IGFN1: variants seen among roughly 807,000 people sequenced by gnomAD.
The protein encoded by IGFN1 is immunoglobulin like and fibronectin type III domain containing 1.
Under a neutral mutation model 289.5 loss-of-function variants are expected in IGFN1, and 253 were observed. The ratio of observed to expected loss-of-function variants is 0.87; its 90% CI spans 0.79 to 0.97. IGFN1 has a LOEUF of 0.97. Ranked by LOEUF, IGFN1 falls within the 50% of genes least tolerant of loss-of-function variation. IGFN1 has a pLI of 0.00. For synonymous variants in IGFN1, 1,706 were observed against 1,788.5 expected (o/e 0.95, Z 1.16); for missense variants, 4,470 against 4,686.1 (o/e 0.95, Z 1.35).
At chr1:201,199,286 C>G in intron 5 of IGFN1, 48 bp from the exon 6 acceptor site, 1 of 1,511,238 alleles carries the variant, frequency 6.6e-7, no homozygotes, top group African/African-American at 1.4e-5. Context: ...TTGCTTCTCT[C>G]CCTGCTTGTC....
At chr1:201,215,948 A>G in intron 15 of IGFN1, 110 bp downstream of exon 15, 1 of 1,077,652 alleles carries the variant, frequency 9.3e-7, no homozygotes, top group Non-Finnish European at 1.4e-6. Flanking sequence ...TCTGATCCTC[A>G]TTTGCATGCT....
intron 18 of IGFN1, 70 bp downstream of exon 18, chr1:201,218,728 TGATGG>T (rs1653507079): frequency 1.4e-6 from 2 of 1,477,820 alleles, no homozygotes; most frequent in Admixed American, 3.6e-5. Flanking sequence ...GGGTGGGACT[TGATGG>T]GAGGTCAAAG....
chr1:201,205,019 C>T, intron 10 of IGFN1, 63 bp from the exon 11 acceptor site: 3 of 1,449,232 alleles, frequency 2.1e-6, no homozygotes, highest in East Asian at 5.0e-5. Context: ...GCCAGCCTTG[C>T]TGCCTTAGGT....
In IGFN1 at chr1:201,215,673, G is replaced by A. The variant is rs777961319; in HGVS notation, c.9130G>A (p.Ala3044Thr). 2.5e-5 allele frequency: 41 copies of A among 1,614,016 alleles called. No homozygotes were observed. Among genetic ancestry groups the A allele is most frequent in the Non-Finnish European group, 3.2e-5 (38 of 1,179,984 alleles). Residue 3044 changes from alanine to threonine, a missense_variant, in exon 15 of 24, where the codon GCT becomes ACT. Coordinates refer to ENST00000335211, the MANE Select transcript of IGFN1 (RefSeq NM_001164586.2). The part of the protein sequence containing the change: ...PIQAAWRKDG[A>T]EVVGSSDREA... Reference sequence around the variant, plus strand: ...TCAGGCTGCCTGGAGGAAGGACGGGGCTGAGGTGGTGGGCAGCAGTGACAG... The same window carrying A: ...TCAGGCTGCCTGGAGGAAGGACGGGACTGAGGTGGTGGGCAGCAGTGACAG...
chr1:201,212,325 G>T lies in IGFN1; in HGVS notation c.7432G>T (p.Ala2478Ser), dbSNP rs1667858442. Residue 2478 changes from alanine (A) to serine (S), a missense_variant, in exon 12 of 24, where the codon GCC (alanine) becomes TCC (serine). By Grantham distance (99) the Ala-to-Ser change is moderately conservative. Coordinates refer to ENST00000335211, the MANE Select transcript of IGFN1 (RefSeq NM_001164586.2). ...CTATGGAACTTCAGGGATCCCTGAGGCCTCGGAGGCTGCTGGTGCCAAGGG... is the reference window on the plus strand; with the variant it reads ...CTATGGAACTTCAGGGATCCCTGAGTCCTCGGAGGCTGCTGGTGCCAAGGG... ...GGYGTSGIPE[A>S]SEAAGAKGKP... 2.0e-6 allele frequency: 3 copies of T among 1,536,730 alleles called. No individual in the cohort carries two copies. The highest frequency in any genetic ancestry group is 2.4e-5 in the East Asian group (1 of 40,918).
At position 201,207,204 on chromosome 1, in the gene IGFN1, TACAAAACTGGC is replaced by T; in HGVS notation, c.2312_2322del (p.Tyr771SerfsTer31). 6.5e-7 allele frequency: 1 copy of T among 1,536,742 alleles called. No individual in the cohort carries two copies. Among genetic ancestry groups the T allele is most frequent in the East Asian group, 2.4e-5 (1 of 40,902 alleles). On this transcript the variant is annotated frameshift_variant, in exon 12 of 24. Transcript: ENST00000335211. LOFTEE classifies it high-confidence loss of function. ...GGAGTCTGTAGTTACAGGAAGTGCC[TACAAAACTGGC>T]CCTGGAGGCCCAGGAGACCCCAGAG...
Position 201,206,957 on chromosome 1 carries a change from G to A in IGFN1, c.2064G>A (p.Val688=), listed in dbSNP as rs1667455795. The A allele has an allele frequency of 6.5e-7, 1 of 1,536,260 alleles. No homozygotes were observed. The highest frequency in any genetic ancestry group is 1.2e-5 in the South Asian group (1 of 83,936). Reference sequence around the variant, plus strand: ...GAGGAAGAGGTTCTGGCTCCAAGGTGGGCATGGCCCCTGAATCCTGGGGTT... The same window carrying A: ...GAGGAAGAGGTTCTGGCTCCAAGGTAGGCATGGCCCCTGAATCCTGGGGTT... ...LTGGRGSGSK[V]GMAPESWGSQ... is the part of the protein sequence containing the mutation. The change falls in exon 12 of 24, where the codon GTG becomes GTA. Residue 688 remains valine (V), a synonymous_variant. Transcript: ENST00000335211.
intron 13 of IGFN1, 88 bp downstream of exon 13, chr1:201,214,389 A>C (rs1653044009): frequency 1.5e-6 from 2 of 1,349,712 alleles, no homozygotes; most frequent in Non-Finnish European, 2.0e-6. Flanking sequence ...CTTTGAAAGA[A>C]AGATTTTTCA....
In IGFN1 at chr1:201,206,317, A is replaced by T; in HGVS notation, c.1424A>T (p.Asp475Val). The change falls in exon 12 of 24, where the codon GAC becomes GTC. Residue 475 changes from aspartate to valine, a missense_variant. Coordinates refer to ENST00000335211, the MANE Select transcript of IGFN1 (RefSeq NM_001164586.2). Reference sequence around the variant, plus strand: ...AGACATGGCTACTCCTTGATGGGGGACAAAGGGACAGCTGACTCAGCCTGG... The same window carrying T: ...AGACATGGCTACTCCTTGATGGGGGTCAAAGGGACAGCTGACTCAGCCTGG... ...LGRHGYSLMGDKGTADSAWGP... is the reference protein window; with the variant it reads ...LGRHGYSLMGVKGTADSAWGP... 1.3e-6 allele frequency: 2 copies of T among 1,550,294 alleles called. No homozygotes were observed. Among genetic ancestry groups the T allele is most frequent in the Non-Finnish European group, 1.7e-6 (2 of 1,146,934 alleles).
Position 201,221,576 on chromosome 1 carries a change from AC to A in IGFN1, c.10032del (p.Asp3344GlufsTer33). ...QGYVVELCSS[D>X]SLQWLPCHVG... is the part of the protein sequence containing the mutation. ...TATGTGGTGGAGCTGTGCAGCTCAG[AC>A]AGTCTCCAGTGGCTCCCGTGCCATG... On this transcript the variant is annotated frameshift_variant, in exon 19 of 24. Coordinates refer to ENST00000335211, the MANE Select transcript of IGFN1 (RefSeq NM_001164586.2). LOFTEE classifies it high-confidence loss of function. 6.2e-7 allele frequency: 1 copy of A among 1,614,174 alleles called. No homozygotes were observed. The highest frequency in any genetic ancestry group is 8.5e-7 in the Non-Finnish European group (1 of 1,180,018).
At chr1:201,214,697 G>A (rs1474796003) in intron 13 of IGFN1, among the ~76,000 whole-genome samples, 1 of 152,174 alleles carries the variant, frequency 6.6e-6, no homozygotes, top group African/African-American at 2.4e-5. Context: ...CAGTGACTCA[G>A]GGCATGGGGC....
At chr1:201,216,814 G>T in intron 16 of IGFN1, 61 bp downstream of exon 16, 1 of 1,419,776 alleles carries the variant, frequency 7.0e-7, no homozygotes, top group Admixed American at 1.9e-5. Context: ...CTGTGCCGAG[G>T]AGGGCAGGCT....
rs1341936001 is a variant in IGFN1 at position 201,223,788 on chromosome 1, A to G, written c.10291-891A>G. ...CAAGGAATTAATATATTGAAAGTGT[A>G]TATGTAGGGCCTGGCATATGACAGC... is the stretch of plus-strand genomic sequence containing the variant. On this transcript the variant is annotated intron_variant, in intron 20 of 23. Coordinates refer to ENST00000335211, the MANE Select transcript of IGFN1 (RefSeq NM_001164586.2). Among the ~76,000 whole-genome samples the G allele has an allele frequency of 2.6e-5, 4 of 152,294 alleles. No individual in the cohort carries two copies. In the South Asian group the frequency reaches 6.2e-4, roughly 24 times the overall value.
At chr1:201,195,407 C>T (rs61819518) in intron 3 of IGFN1, among the ~76,000 whole-genome samples, 38,424 of 152,138 alleles carry the variant, frequency 0.25, 6,420 homozygotes, top group Non-Finnish European at 0.38. Flanking sequence ...CTGCCTTGGC[C>T]TCCCAAAGTG....
chr1:201,209,874 G>A lies in IGFN1; in HGVS notation c.4981G>A (p.Gly1661Arg), dbSNP rs544055144. The A allele has an allele frequency of 2.0e-5, 30 of 1,479,136 alleles. No individual in the cohort carries two copies. The African/African-American group carries it at 3.9e-4, about 19-fold the overall frequency. The allele number at this position is 1,479,136 out of a possible 1,614,324, so 91.6% of individuals were successfully genotyped here. A position where few individuals can be genotyped will look rare whatever the true frequency, so the allele number is the denominator to read the frequency against. Residue 1661 changes from glycine to arginine, a missense_variant, in exon 12 of 24, where the codon GGG becomes AGG. Around this residue, in one of 8 missense-constraint regions of IGFN1, gnomAD observed 49 missense variants for 62.6 expected, o/e 0.78. Transcript: ENST00000335211. ...GSKAGFRDGL[G>R]SSGEMGSMDE... ...CAAGGCAGGTTTTAGGGATGGTTTA[G>A]GGAGTTCTGGGGAAATGGGGTCAAT...
chr1:201,199,284 C>T (rs1375598666), intron 5 of IGFN1, 50 bp from the exon 6 acceptor site: 3 of 1,505,638 alleles, frequency 2.0e-6, no homozygotes, highest in Non-Finnish European at 2.7e-6. Flanking sequence ...TCTTGCTTCT[C>T]TCCCTGCTTG....
At chr1:201,220,711 A>G (rs979277774) in intron 18 of IGFN1, among the ~76,000 whole-genome samples, 6 of 152,250 alleles carry the variant, frequency 3.9e-5, no homozygotes, top group Non-Finnish European at 5.9e-5. Context: ...GGTAACTTCT[A>G]TACTAATTAA....
intron 21 of IGFN1, among the ~76,000 whole-genome samples, chr1:201,225,277 C>T (rs993110458): frequency 6.6e-6 from 1 of 152,234 alleles, no homozygotes. Context: ...CCTGGAGGAG[C>T]TTCTGGATAT....
chr1:201,203,836 T>C lies in IGFN1; in HGVS notation c.846T>C (p.Pro282=). 1 of 1,551,694 alleles carries C rather than the reference T, an allele frequency of 6.4e-7. No individual in the cohort carries two copies. Among genetic ancestry groups the C allele is most frequent in the East Asian group, 2.4e-5 (1 of 40,926 alleles). The change falls in exon 10 of 24, where the codon CCT becomes CCC. Residue 282 remains proline, a synonymous_variant. Coordinates refer to ENST00000335211, the MANE Select transcript of IGFN1 (RefSeq NM_001164586.2). ...RYEFQIQDLR[P]EDSGIYQVKV... ...AGTTCCAGATTCAAGACCTGAGGCC[T>C]GAGGACTCTGGCATTTACCAGGTCA...
Sources: allele counts gnomAD v4.1 joint callset (sites outside exome capture counted in the v4.1 genomes callset), GRCh38; gene constraint gnomAD v4.1.1; regional missense constraint gnomAD v4.1.1; transcripts MANE v1.5; gene names NCBI Gene and HGNC (gene_info 2026-07-23, HGNC 2026-07-21).